Variants in LTBP1 observed in about 807,000 individuals in gnomAD.
LTBP1 encodes the protein latent transforming growth factor beta binding protein 1, also known as latent-transforming growth factor beta-binding protein 1.
In LTBP1, 129 loss-of-function variants were observed where a neutral mutation model predicts 207.6. The ratio of observed to expected loss-of-function variants is 0.62; its 90% confidence interval spans 0.54 to 0.72. The LOEUF is 0.72. LTBP1 is among the 30% of genes least tolerant of loss of function. The probability of loss-of-function intolerance (pLI) is 0.00; values close to 1 mark genes in which losing one functional copy is unlikely to be tolerated. For missense variants in LTBP1, 2,281 were observed against 2,217.2 expected, an observed-to-expected ratio of 1.03 and a Z score of -0.58; for synonymous variants, 963 against 833.7, an observed-to-expected ratio of 1.16 and a Z score of -2.67.
rs571484685 is a variant in LTBP1, at chr2:33,273,474, A to G, written c.2618-182A>G. 2.7e-4 allele frequency among the ~76,000 whole-genome samples: 41 copies of G among 152,320 alleles called. 1 individual carries two copies. Among genetic ancestry groups the G allele is most frequent in the South Asian group, 8.3e-4 (4 of 4,824 alleles). ...TTGATGTCCTTGGATAGGACTAACT[A>G]ATCCATTATAAAGTAATCACATGAA... On this transcript the variant is annotated intron_variant, in intron 15 of 33. Transcript: ENST00000404816.
chr2:33,165,987 C>T (rs931831434), intron 5 of LTBP1, among the ~76,000 whole-genome samples: 1 of 151,666 alleles, frequency 6.6e-6, no homozygotes, highest in Non-Finnish European at 1.5e-5. Context: ...TTTCAAGTTT[C>T]TAATTCAGTT....
chr2:33,061,354 G>A, intron 3 of LTBP1: 1 of 152,150 alleles, frequency 6.6e-6, no homozygotes, highest in East Asian at 1.9e-4. Context: ...AATTTACAGT[G>A]TACTGAAATG....
intron 2 of LTBP1, among the ~76,000 whole-genome samples, chr2:32,987,726 C>G (rs1683808860): frequency 6.6e-6 from 1 of 152,128 alleles, no homozygotes; most frequent in African/African-American, 2.4e-5. Context: ...TCAGGGCTTT[C>G]AGGAAACAAA....
At chr2:33,294,449 G>A (rs780952657) in intron 20 of LTBP1, among the ~76,000 whole-genome samples, 1 of 151,778 alleles carries the variant, frequency 6.6e-6, no homozygotes, top group African/African-American at 2.4e-5. Flanking sequence ...TGCCCACCTA[G>A]GCCTCCCAAA....
At chr2:33,237,753 T>G (rs1418317274) in intron 9 of LTBP1, among the ~76,000 whole-genome samples, 1 of 152,190 alleles carries the variant, frequency 6.6e-6, no homozygotes, top group Non-Finnish European at 1.5e-5. Flanking sequence ...CTGTGAGAAT[T>G]TTACCTTTCA....
intron 3 of LTBP1, among the ~76,000 whole-genome samples, chr2:33,038,831 A>G (rs2076048550): frequency 6.6e-6 from 1 of 152,116 alleles, no homozygotes; most frequent in South Asian, 2.1e-4. Flanking sequence ...GTCTTAGGAA[A>G]ATGTCTTTTT....
chr2:33,010,654 T>C (rs1406122820), intron 2 of LTBP1, among the ~76,000 whole-genome samples: 1 of 152,086 alleles, frequency 6.6e-6, no homozygotes, highest in Non-Finnish European at 1.5e-5. Flanking sequence ...ACAAATATTA[T>C]GTATCAATTA....
intron 18 of LTBP1, among the ~76,000 whole-genome samples, chr2:33,277,797 C>CTTTCTTTCTTTCTT (rs369628420): frequency 0.016 from 1,305 of 80,236 alleles, 24 homozygotes; most frequent in Non-Finnish European, 0.023. Flanking sequence ...TTCTTTCTTT[C>CTTTCTTTCTTTCTT]TCTCTCTCTT....
At chr2:33,328,586 A>G (rs1347256682) in intron 24 of LTBP1, among the ~76,000 whole-genome samples, 1 of 152,172 alleles carries the variant, frequency 6.6e-6, no homozygotes, top group Admixed American at 6.5e-5. Flanking sequence ...ACACTTAAAA[A>G]ATCATCAGGT....
chr2:33,063,356 TC>T (rs1485816001), intron 3 of LTBP1, among the ~76,000 whole-genome samples: 3 of 152,182 alleles, frequency 2.0e-5, no homozygotes, highest in Non-Finnish European at 4.4e-5. Context: ...AGTGGAGTTT[TC>T]CAGAGAATAC....
chr2:33,312,578 C>G (rs145314414), intron 23 of LTBP1, among the ~76,000 whole-genome samples: 188 of 152,226 alleles, frequency 1.2e-3, no homozygotes, highest in African/African-American at 4.3e-3. Flanking sequence ...CTTGAAGTTA[C>G]TAGCAGCATA....
At chr2:33,354,409 G>A (rs1415061290) in intron 26 of LTBP1, among the ~76,000 whole-genome samples, 8 of 151,960 alleles carry the variant, frequency 5.3e-5, no homozygotes, top group Non-Finnish European at 7.4e-5. Context: ...TCCTGAGGTC[G>A]TATTGTGTTT....
At chr2:33,075,535 A>G (rs1558601443) in intron 3 of LTBP1, among the ~76,000 whole-genome samples, 1 of 152,330 alleles carries the variant, frequency 6.6e-6, no homozygotes, top group Non-Finnish European at 1.5e-5. Context: ...TTATTCAGCT[A>G]TGAGAGTTAT....
chr2:33,285,451 CT>C (rs199993814), intron 19 of LTBP1, among the ~76,000 whole-genome samples: 74 of 124,378 alleles, frequency 5.9e-4, no homozygotes, highest in Admixed American at 1.3e-3. Flanking sequence ...CTTTCTTTTT[CT>C]TTTTTTTTTT....
chr2:33,221,436 C>T (rs2091094236), intron 8 of LTBP1, among the ~76,000 whole-genome samples: 1 of 152,194 alleles, frequency 6.6e-6, no homozygotes, highest in South Asian at 2.1e-4. Context: ...GTATCAGAAT[C>T]TCAGGAAATA....
intron 25 of LTBP1, among the ~76,000 whole-genome samples, chr2:33,343,524 A>C (rs576330644): frequency 6.6e-6 from 1 of 152,160 alleles, no homozygotes; most frequent in Non-Finnish European, 1.5e-5. Flanking sequence ...TTTAAACTCT[A>C]ACTGAGTATG....
chr2:33,360,926 A>T (rs75067553), intron 27 of LTBP1, 147 bp downstream of exon 27: 28,137 of 609,798 alleles, frequency 0.046, 839 homozygotes, highest in African/African-American at 0.085. Flanking sequence ...CAGCACCTGC[A>T]TCCCATCTTA....
rs192463630 is a variant in LTBP1, at chr2:33,121,188, T to C, written c.1033+10437T>C. Among the ~76,000 whole-genome samples, 271 of 148,386 alleles carry C rather than the reference T, an allele frequency of 1.8e-3. 2 individuals are homozygous for C. The highest frequency in any genetic ancestry group is 6.7e-3 in the African/African-American group (268 of 39,974). The stretch of plus-strand genomic sequence containing the variant: ...TTTTTTTTTTTTTTTTTTTTTAGTT[T>C]CTTACATTATCCATACAGGAAGATC... On this transcript the variant is annotated intron_variant, in intron 4 of 33. Coordinates refer to ENST00000404816, the MANE Select transcript of LTBP1 (RefSeq NM_206943.4).
At chr2:32,980,107 T>A (rs900656169) in intron 2 of LTBP1, among the ~76,000 whole-genome samples, 3 of 151,650 alleles carry the variant, frequency 2.0e-5, no homozygotes, top group African/African-American at 2.4e-5. Flanking sequence ...TTAGTTTTTT[T>A]AAATGCATTT....
Sources: allele counts gnomAD v4.1 joint callset (sites outside exome capture counted in the v4.1 genomes callset), GRCh38; gene constraint gnomAD v4.1.1; transcripts MANE v1.5; gene names NCBI Gene and HGNC (gene_info 2026-07-23, HGNC 2026-07-21).